ZNF729: variants seen among roughly 807,000 people sequenced by gnomAD.
ZNF729 encodes zinc finger protein 729.
ZNF729 carries 15 observed loss-of-function variants against 12.2 expected under a neutral mutation model. That is an observed-to-expected ratio of 1.23 (90% CI 0.82 to 1.89). The LOEUF is 1.89. ZNF729 is among the 40% of genes most tolerant of loss of function. The pLI is 0.00. For missense variants in ZNF729, 1,540 were observed against 1,456.7 expected, an observed-to-expected ratio of 1.06 and a Z score of -0.93; for synonymous variants, 492 against 476.3, an observed-to-expected ratio of 1.03 and a Z score of -0.43.
intron 1 of ZNF729, among the ~76,000 whole-genome samples, chr19:22,291,354 T>G (rs781727501): frequency 5.3e-5 from 8 of 152,074 alleles, no homozygotes; most frequent in Non-Finnish European, 1.2e-4. Context: ...ACCCCCTTTT[T>G]CCACTGCTGC....
At chr19:22,304,377 C>T (rs181862811) in intron 2 of ZNF729, among the ~76,000 whole-genome samples, 1 of 152,170 alleles carries the variant, frequency 6.6e-6, no homozygotes, top group Non-Finnish European at 1.5e-5. Flanking sequence ...TTTACCTGAA[C>T]TTTTCACATT....
intron 1 of ZNF729, among the ~76,000 whole-genome samples, chr19:22,291,962 G>C (rs954878409): frequency 2.6e-5 from 4 of 152,166 alleles, no homozygotes; most frequent in Non-Finnish European, 4.4e-5. Context: ...TCAAACTCCT[G>C]ATCTCGTGAT....
intron 1 of ZNF729, among the ~76,000 whole-genome samples, chr19:22,302,103 A>T (rs1317312279): frequency 6.6e-6 from 1 of 152,308 alleles, no homozygotes; most frequent in Non-Finnish European, 1.5e-5. Context: ...AAGAGAAATG[A>T]GTCATCCTGT....
In ZNF729 at chr19:22,316,776, C is replaced by G. The variant is rs567431275; in HGVS notation, c.3359C>G (p.Thr1120Arg). Residue 1120 changes from threonine to arginine, a missense_variant, in exon 4 of 4, where the codon ACG becomes AGG. Thr to Arg is a moderately conservative substitution (Grantham distance 71). Transcript: ENST00000601693. Reference sequence around the variant, plus strand: ...GCTTTTAACAATTCCTCAACCCTTACGAAACATAAGATAATTCATACTGGG... The same window carrying G: ...GCTTTTAACAATTCCTCAACCCTTAGGAAACATAAGATAATTCATACTGGG... ...GKAFNNSSTLTKHKIIHTGEK... is the reference protein window; with the variant it reads ...GKAFNNSSTLRKHKIIHTGEK... 1 of 1,608,308 alleles carries G rather than the reference C, an allele frequency of 6.2e-7. No homozygotes were observed. Among genetic ancestry groups the G allele is most frequent in the Non-Finnish European group, 8.5e-7 (1 of 1,178,386 alleles).
rs1968524282 is a variant in ZNF729 at position 22,315,703 on chromosome 19, T to C, written c.2286T>C (p.His762=). The change falls in exon 4 of 4, where the codon CAT becomes CAC. Residue 762 remains histidine, a synonymous_variant. Coordinates refer to ENST00000601693, the MANE Select transcript of ZNF729 (RefSeq NM_001242680.2). ...CCCTTAGAAAACATAAGGTAATTCA[T>C]ACTAGGGAGAAATTGTACAAATGTG... ...FSALRKHKVI[H]TREKLYKCEE... 1.2e-6 allele frequency: 2 copies of C among 1,605,860 alleles called. No individual in the cohort carries two copies. Among genetic ancestry groups the C allele is most frequent in the African/African-American group, 2.7e-5 (2 of 74,646 alleles).
chr19:22,303,717 C>G, intron 1 of ZNF729, 41 bp from the exon 2 acceptor site: 1 of 1,491,348 alleles, frequency 6.7e-7, no homozygotes, highest in South Asian at 1.2e-5. Context: ...TGCCCATGGC[C>G]ACTTGGGAAA....
intron 1 of ZNF729, chr19:22,298,979 A>T (rs1968269008): frequency 6.6e-6 from 1 of 152,196 alleles, no homozygotes; most frequent in Non-Finnish European, 1.5e-5. Context: ...CATCTTCATC[A>T]AAAGTGCTGG....
chr19:22,295,591 G>A (rs1024157026), intron 1 of ZNF729, among the ~76,000 whole-genome samples: 27 of 151,982 alleles, frequency 1.8e-4, no homozygotes, highest in African/African-American at 6.5e-4. Context: ...TACTGGAGAC[G>A]GGGTTTCACC....
chr19:22,293,000 G>T (rs77408464), intron 1 of ZNF729, among the ~76,000 whole-genome samples: 3,800 of 152,158 alleles, frequency 0.025, 157 homozygotes, highest in African/African-American at 0.087. Context: ...GCACATAGCC[G>T]TTTCTCTGAA....
chr19:22,304,960 A>T (rs1968360953), intron 3 of ZNF729, among the ~76,000 whole-genome samples, 177 bp downstream of exon 3: 1 of 152,188 alleles, frequency 6.6e-6, no homozygotes, highest in South Asian at 2.1e-4. Flanking sequence ...ATGCTTTAAA[A>T]TTCTCTAAGG....
In ZNF729 at chr19:22,313,939, C is replaced by A; in HGVS notation, c.522C>A (p.His174Gln). 1.3e-6 allele frequency: 2 copies of A among 1,533,166 alleles called. No individual in the cohort carries two copies. Among genetic ancestry groups the A allele is most frequent in the Non-Finnish European group, 1.8e-6 (2 of 1,141,618 alleles). The allele number at this position is 1,533,166 out of a possible 1,614,324, so 95.0% of individuals were successfully genotyped here. Residue 174 changes from histidine (H) to glutamine (Q), a missense_variant, in exon 4 of 4, where the codon CAC (histidine) becomes CAA (glutamine). Coordinates refer to ENST00000601693, the MANE Select transcript of ZNF729 (RefSeq NM_001242680.2). ...HKYSNRNKVR[H>Q]TKKKTFKCIK... Reference sequence around the variant, plus strand: ...ATTCAAATAGAAATAAGGTTAGACACACTAAAAAGAAAACTTTCAAATGTA... The same window carrying A: ...ATTCAAATAGAAATAAGGTTAGACAAACTAAAAAGAAAACTTTCAAATGTA...
At chr19:22,311,634 T>C (rs767339777) in intron 3 of ZNF729, among the ~76,000 whole-genome samples, 3 of 152,166 alleles carry the variant, frequency 2.0e-5, no homozygotes, top group Non-Finnish European at 2.9e-5. Flanking sequence ...TGGAGAAAGT[T>C]TCATGTGCTG....
At chr19:22,293,533 C>A (rs1318192409) in intron 1 of ZNF729, among the ~76,000 whole-genome samples, 1 of 121,486 alleles carries the variant, frequency 8.2e-6, no homozygotes, top group Non-Finnish European at 1.6e-5. Context: ...GCTCTTGTTT[C>A]CCAGGCTGGA....
At chr19:22,301,404 T>C (rs991509363) in intron 1 of ZNF729, among the ~76,000 whole-genome samples, 15 of 150,652 alleles carry the variant, frequency 1.0e-4, no homozygotes, top group Non-Finnish European at 1.9e-4. Flanking sequence ...ATATTTAGAA[T>C]GTGCCAGAGT....
At chr19:22,313,566 G>T in intron 3 of ZNF729, 105 bp from the exon 4 acceptor site, 3 of 1,005,692 alleles carry the variant, frequency 3.0e-6, no homozygotes, top group East Asian at 2.9e-5. Context: ...GTCTTATTTT[G>T]CTGTGCCATC....
Position 22,293,494 on chromosome 19 carries a change from ATT to A in ZNF729, c.30+6955_30+6956del, listed in dbSNP as rs56180581. Among the ~76,000 whole-genome samples, 128 of 96,026 alleles carry A rather than the reference ATT, an allele frequency of 1.3e-3. 4 individuals are homozygous for A. The highest frequency in any genetic ancestry group is 3.0e-3 in the African/African-American group (72 of 23,640). 63.0% of individuals were successfully genotyped at this position (96,026 alleles called of 152,430 possible). A position where few individuals can be genotyped will look rare whatever the true frequency, so the allele number is the denominator to read the frequency against. On this transcript the variant is annotated intron_variant, in intron 1 of 3. Transcript: ENST00000601693. ...AGCCACCACTCCTAGCCTTTTGTCT[ATT>A]TTTTTTTTTTTTTTTGAGACAGTTT...
intron 3 of ZNF729, 50 bp downstream of exon 3, chr19:22,304,833 C>A: frequency 6.4e-7 from 1 of 1,560,714 alleles, no homozygotes; most frequent in Non-Finnish European, 8.7e-7. Flanking sequence ...GTCCAGAGGT[C>A]AAGGAGAAAG....
chr19:22,313,810 G>C lies in ZNF729; in HGVS notation c.393G>C (p.Glu131Asp). The C allele has an allele frequency of 6.3e-7, 1 of 1,595,036 alleles. No individual in the cohort carries two copies. The highest frequency in any genetic ancestry group is 2.2e-5 in the East Asian group (1 of 44,532). ...RLRKDCKSANEGKMHKEGYNK... is the reference protein window; with the variant it reads ...RLRKDCKSANDGKMHKEGYNK... ...GAAAAGATTGTAAAAGTGCCAATGA[G>C]GGTAAGATGCACAAAGAAGGTTATA... is the stretch of plus-strand genomic sequence containing the variant. The change falls in exon 4 of 4, where the codon GAG (glutamate) becomes GAC (aspartate). Residue 131 changes from glutamate (E) to aspartate (D), a missense_variant. Coordinates refer to ENST00000601693, the MANE Select transcript of ZNF729 (RefSeq NM_001242680.2).
chr19:22,287,509 C>T (rs980956646), intron 1 of ZNF729, among the ~76,000 whole-genome samples: 3 of 151,960 alleles, frequency 2.0e-5, no homozygotes, highest in African/African-American at 4.8e-5. Context: ...TCAGGTGATC[C>T]GTCCTCCTCG....
Sources: allele counts gnomAD v4.1 joint callset (sites outside exome capture counted in the v4.1 genomes callset), GRCh38; gene constraint gnomAD v4.1.1; transcripts MANE v1.5; gene names NCBI Gene and HGNC (gene_info 2026-07-23, HGNC 2026-07-21).